NOS1: variants seen among roughly 807,000 people sequenced by gnomAD.
NOS1 encodes the protein nitric oxide synthase 1.
Under a neutral mutation model 164.5 loss-of-function variants are expected in NOS1, and 51 were observed. The ratio of observed to expected loss-of-function variants is 0.31; its 90% CI spans 0.25 to 0.39. The LOEUF (loss-of-function observed/expected upper bound fraction) is 0.39. Ranked by LOEUF, NOS1 falls within the 10% of genes least tolerant of loss-of-function variation. The pLI is 1.00. For missense variants in NOS1, 1,362 were observed against 1,885.6 expected (o/e 0.72, Z 5.14); for synonymous variants, 719 against 745.8 (o/e 0.96, Z 0.59).
chr12:117,248,196 TA>T (rs549190565), intron 17 of NOS1, among the ~76,000 whole-genome samples: 427 of 146,310 alleles, frequency 2.9e-3, no homozygotes, highest in African/African-American at 0.011. Context: ...TTTTTTTTTT[TA>T]AATTTATTAT....
intron 1 of NOS1, among the ~76,000 whole-genome samples, chr12:117,354,181 T>C (rs1465486795): frequency 6.6e-6 from 1 of 151,700 alleles, no homozygotes; most frequent in Admixed American, 6.6e-5. Flanking sequence ...CCTCAAGAAA[T>C]CCTACACCTT....
intron 1 of NOS1, among the ~76,000 whole-genome samples, chr12:117,346,429 C>A (rs540370338): frequency 1.3e-5 from 2 of 152,334 alleles, no homozygotes; most frequent in South Asian, 4.1e-4. Flanking sequence ...CACGATCACA[C>A]CACTGCACTC....
intron 24 of NOS1, 73 bp from the exon 25 acceptor site, chr12:117,225,210 A>G: frequency 1.3e-6 from 2 of 1,535,996 alleles, no homozygotes; most frequent in South Asian, 1.3e-5. Context: ...TCTTAGGTAG[A>G]CCAGGTGGCC....
rs970377270 is a variant in NOS1 at position 117,242,470 on chromosome 12, C to G, written c.3041+157G>C. Among the ~76,000 whole-genome samples, 3 of 152,184 alleles carry G rather than the reference C, an allele frequency of 2.0e-5. No individual in the cohort carries two copies. The East Asian group carries it at 5.8e-4, about 29-fold the overall frequency. On this transcript the variant is annotated intron_variant, in intron 20 of 28. Coordinates refer to ENST00000317775, the MANE Select transcript of NOS1 (RefSeq NM_000620.5). ...AGGTTGGAGCTAGGCAAAAGGAAAG[C>G]AGGAACCCCAGACACTATAAAGCAG... is the stretch of plus-strand genomic sequence containing the variant.
At chr12:117,244,673 A>G (rs2135956910) in intron 18 of NOS1, among the ~76,000 whole-genome samples, 1 of 152,372 alleles carries the variant, frequency 6.6e-6, no homozygotes, top group Non-Finnish European at 1.5e-5. Context: ...GGATGAATGG[A>G]TTAACAAGAT....
intron 22 of NOS1, among the ~76,000 whole-genome samples, chr12:117,228,462 G>A (rs1182481948): frequency 6.6e-6 from 1 of 152,208 alleles, no homozygotes; most frequent in Non-Finnish European, 1.5e-5. Context: ...GCAGAGTCTG[G>A]AGATGCATCT....
At chr12:117,255,911 G>A in intron 16 of NOS1, 1 of 1,434,378 alleles carries the variant, frequency 7.0e-7, no homozygotes, top group Non-Finnish European at 9.3e-7. Context: ...GCACACACCT[G>A]CGTGTACACA....
chr12:117,327,964 C>T (rs1875337760), intron 2 of NOS1, among the ~76,000 whole-genome samples: 3 of 152,068 alleles, frequency 2.0e-5, no homozygotes, highest in Non-Finnish European at 2.9e-5. Flanking sequence ...AACTCTGATG[C>T]ACTGGCAGGC....
intron 3 of NOS1, among the ~76,000 whole-genome samples, chr12:117,308,199 A>G (rs1451609308): frequency 6.6e-6 from 1 of 151,880 alleles, no homozygotes; most frequent in African/African-American, 2.4e-5. Flanking sequence ...TATTCAGTCT[A>G]TGCAGATTGT....
chr12:117,329,207 A>G (rs933990404), intron 2 of NOS1, among the ~76,000 whole-genome samples: 4 of 151,934 alleles, frequency 2.6e-5, no homozygotes, highest in African/African-American at 7.3e-5. Flanking sequence ...ATGGCAGGGG[A>G]TTTGTTGATT....
At chr12:117,286,048 C>G (rs577190706) in intron 6 of NOS1, 56 bp downstream of exon 6, 2 of 1,585,696 alleles carry the variant, frequency 1.3e-6, no homozygotes, top group Non-Finnish European at 1.7e-6. Context: ...CATCCACTCC[C>G]CTTCCCCTCT....
intron 2 of NOS1, among the ~76,000 whole-genome samples, chr12:117,324,461 G>C (rs1875141511): frequency 6.6e-6 from 1 of 152,172 alleles, no homozygotes; most frequent in Non-Finnish European, 1.5e-5. Context: ...CAGGCACGGT[G>C]GCTCACGCCT....
chr12:117,284,942 C>T (rs1305782687), intron 7 of NOS1, among the ~76,000 whole-genome samples: 4 of 151,156 alleles, frequency 2.6e-5, no homozygotes, highest in East Asian at 1.9e-4. Flanking sequence ...CCCAGCTACT[C>T]GGTAGGCTGA....
At chr12:117,338,181 C>T (rs1875928688) in intron 1 of NOS1, among the ~76,000 whole-genome samples, 1 of 152,014 alleles carries the variant, frequency 6.6e-6, no homozygotes, top group Non-Finnish European at 1.5e-5. Context: ...TGCGCCACTG[C>T]ACTCCAGCCT....
chr12:117,219,832 C>T (rs774930133), intron 27 of NOS1, among the ~76,000 whole-genome samples: 1 of 152,140 alleles, frequency 6.6e-6, no homozygotes. Flanking sequence ...TCCACTCACT[C>T]GTTATTTTCA....
At position 117,331,162 on chromosome 12, in the gene NOS1, C is replaced by A. The variant is rs566348671; in HGVS notation, c.-93G>T. 2 of 1,479,436 alleles carry A rather than the reference C, an allele frequency of 1.4e-6. No homozygotes were observed. Among genetic ancestry groups the A allele is most frequent in the African/African-American group, 1.4e-5 (1 of 71,384 alleles). 91.6% of individuals were successfully genotyped at this position (1,479,436 alleles called of 1,614,324 possible). Reference sequence around the variant, plus strand: ...AGGAGGATCCAGGCTTCAGGCTACACGGAGAGCAGGAGCCGGGGTGACAGG... The same window carrying A: ...AGGAGGATCCAGGCTTCAGGCTACAAGGAGAGCAGGAGCCGGGGTGACAGG... On this transcript the variant is annotated 5_prime_UTR_variant, in exon 2 of 29. Coordinates refer to ENST00000317775, the MANE Select transcript of NOS1 (RefSeq NM_000620.5).
chr12:117,260,478 G>T lies in NOS1; in HGVS notation c.2354C>A (p.Ala785Asp). 1 of 1,613,904 alleles carries T rather than the reference G, an allele frequency of 6.2e-7. No homozygotes were observed. The highest frequency in any genetic ancestry group is 8.5e-7 in the Non-Finnish European group (1 of 1,179,868). ...AKTLCEIFKH[A>D]FDAKVMSMEE... ...CCCCCCACCTACCTTGGCATCAAAG[G>T]CGTGTTTGAAGATCTCACACAAGGT... Residue 785 changes from alanine to aspartate, a missense_variant, in exon 14 of 29, where the codon GCC (alanine) becomes GAC (aspartate). Ala to Asp is a moderately radical substitution (Grantham distance 126, BLOSUM62 -2). Transcript: ENST00000317775.
At chr12:117,350,099 T>C (rs1876548107) in intron 1 of NOS1, among the ~76,000 whole-genome samples, 1 of 152,160 alleles carries the variant, frequency 6.6e-6, no homozygotes, top group Non-Finnish European at 1.5e-5. Context: ...TACAGTATCA[T>C]TGTCATTTCC....
At chr12:117,225,845 TCTCGAACTCCTGAC>T (rs1868625711) in intron 24 of NOS1, among the ~76,000 whole-genome samples, 1 of 152,160 alleles carries the variant, frequency 6.6e-6, no homozygotes, top group African/African-American at 2.4e-5. Flanking sequence ...GCCAGGCTGG[TCTCGAACTCCTGAC>T]CTCAAGTGAT....
Sources: allele counts gnomAD v4.1 joint callset (sites outside exome capture counted in the v4.1 genomes callset), GRCh38; gene constraint gnomAD v4.1.1; transcripts MANE v1.5; gene names NCBI Gene and HGNC (gene_info 2026-07-23, HGNC 2026-07-21).